RASSF6: variants seen among roughly 807,000 people sequenced by gnomAD.
RASSF6 encodes ras association domain-containing protein 6.
Under a neutral mutation model 44.0 loss-of-function variants are expected in RASSF6, and 52 were observed. That is an observed-to-expected ratio of 1.18 (90% CI 0.95 to 1.49). The LOEUF is 1.49. RASSF6 is among the 40% of genes most tolerant of loss of function. The pLI is 0.00. For synonymous variants in RASSF6, 162 were observed against 124.6 expected (o/e 1.30, Z -2.00); for missense variants, 464 against 393.3 (o/e 1.18, Z -1.52).
At chr4:73,588,817 T>TCAC (rs1553902850) in intron 4 of RASSF6, among the ~76,000 whole-genome samples, 4 of 151,550 alleles carry the variant, frequency 2.6e-5, no homozygotes, top group Admixed American at 1.3e-4. Context: ...ATCATCATCA[T>TCAC]CACCAGCATC....
chr4:73,584,669 A>G (rs748459585), intron 6 of RASSF6, among the ~76,000 whole-genome samples: 3 of 152,094 alleles, frequency 2.0e-5, no homozygotes, highest in Non-Finnish European at 4.4e-5. Flanking sequence ...TGATCCAACC[A>G]CTTTGTAGCA....
intron 2 of RASSF6, among the ~76,000 whole-genome samples, chr4:73,599,147 C>A (rs1725121709): frequency 6.6e-6 from 1 of 152,224 alleles, no homozygotes; most frequent in Admixed American, 6.5e-5. Flanking sequence ...CCCAACTCTC[C>A]AAATCTGTGT....
chr4:73,587,498 A>C (rs749055172), intron 5 of RASSF6, among the ~76,000 whole-genome samples: 12 of 152,098 alleles, frequency 7.9e-5, no homozygotes, highest in Non-Finnish European at 1.8e-4. Context: ...TATTGGGAAT[A>C]ATAAATGACT....
In RASSF6 at chr4:73,599,912, C is replaced by T. The variant is rs923296931; in HGVS notation, c.66-1194G>A. On this transcript the variant is annotated intron_variant, in intron 2 of 10. Coordinates refer to ENST00000307439, the MANE Select transcript of RASSF6 (RefSeq NM_177532.5). ...CCACCCTTCCCTCACTTCATGCAAC[C>T]ACCAGCCTCCCTGGTGTTCCTTGGC... Among the ~76,000 whole-genome samples, 4 of 152,188 alleles carry T rather than the reference C, an allele frequency of 2.6e-5. No homozygotes were observed. In the South Asian group the frequency reaches 8.3e-4, roughly 32 times the overall value.
At chr4:73,615,753 G>T in intron 1 of RASSF6, 1 of 664,650 alleles carries the variant, frequency 1.5e-6, no homozygotes, top group Non-Finnish European at 2.6e-6. Flanking sequence ...GGTAGAATTG[G>T]TCTGAACAAG....
At chr4:73,596,001 A>G (rs1457947847) in intron 3 of RASSF6, among the ~76,000 whole-genome samples, 1 of 152,198 alleles carries the variant, frequency 6.6e-6, no homozygotes, top group Non-Finnish European at 1.5e-5. Context: ...CCAGGAAGAT[A>G]TTGTAAATAT....
rs1371404528 is a variant in RASSF6 at position 73,573,433 on chromosome 4, C to T, written c.*2802G>A. On this transcript the variant is annotated 3_prime_UTR_variant, in exon 11 of 11. Coordinates refer to ENST00000307439, the MANE Select transcript of RASSF6 (RefSeq NM_177532.5). ...GTGAGCCACCGTCCATGGCCTATTT[C>T]CCTCTTTCATCTTTTAAAATAATTT... The T allele has an allele frequency of 6.6e-6, 1 of 152,076 alleles. No homozygotes were observed. The allele number at this position is 152,076 out of a possible 1,614,324, so 9.4% of individuals were successfully genotyped here.
rs1023859203 is a variant in RASSF6, at chr4:73,574,525, C to A, written c.*1710G>T. The A allele has an allele frequency of 6.6e-6, 1 of 152,236 alleles. No individual in the cohort carries two copies. The highest frequency in any genetic ancestry group is 6.5e-5 in the Admixed American group (1 of 15,272). 9.4% of individuals were successfully genotyped at this position (152,236 alleles called of 1,614,324 possible). A position where few individuals can be genotyped will look rare whatever the true frequency, so the allele number is the denominator to read the frequency against. On this transcript the variant is annotated 3_prime_UTR_variant, in exon 11 of 11. Coordinates refer to ENST00000307439, the MANE Select transcript of RASSF6 (RefSeq NM_177532.5). Reference sequence around the variant, plus strand: ...GTGAATTCTGAAACCCTCATTCCTGCCTTTCCTTGTTAGGATTCTTTCCCT... The same window carrying A: ...GTGAATTCTGAAACCCTCATTCCTGACTTTCCTTGTTAGGATTCTTTCCCT...
intron 5 of RASSF6, among the ~76,000 whole-genome samples, chr4:73,585,619 A>T (rs1440318374): frequency 6.6e-6 from 1 of 151,546 alleles, no homozygotes; most frequent in Non-Finnish European, 1.5e-5. Context: ...CACAATGATC[A>T]TGTTTGGGGT....
intron 2 of RASSF6, among the ~76,000 whole-genome samples, chr4:73,600,718 C>G (rs1725229624): frequency 8.1e-5 from 1 of 12,412 alleles, no homozygotes; most frequent in South Asian, 5.7e-3. Flanking sequence ...ACACTTCACA[C>G]AATTGCCATA....
chr4:73,589,807 T>G (rs1481371599), intron 4 of RASSF6, among the ~76,000 whole-genome samples: 1 of 152,032 alleles, frequency 6.6e-6, no homozygotes, highest in Non-Finnish European at 1.5e-5. Context: ...ATGTATATCA[T>G]TTGCAAATTT....
chr4:73,593,305 C>T (rs111616468), intron 4 of RASSF6, 146 bp downstream of exon 4: 1 of 782,704 alleles, frequency 1.3e-6, no homozygotes, highest in Non-Finnish European at 1.9e-6. Context: ...TGTGAGCCAC[C>T]GTGCCCGGCC....
chr4:73,604,003 C>T (rs1379038677), intron 2 of RASSF6: 2 of 152,082 alleles, frequency 1.3e-5, no homozygotes, highest in Non-Finnish European at 2.9e-5. Flanking sequence ...TGTCATATGC[C>T]GTCACCCTAC....
At chr4:73,599,188 AT>A (rs1431617040) in intron 2 of RASSF6, among the ~76,000 whole-genome samples, 23 of 152,166 alleles carry the variant, frequency 1.5e-4, no homozygotes, top group African/African-American at 5.6e-4. Context: ...GTATCCCTGA[AT>A]TTCCACAGCT....
At chr4:73,578,570 T>C (rs1723396370) in intron 8 of RASSF6, among the ~76,000 whole-genome samples, 1 of 152,062 alleles carries the variant, frequency 6.6e-6, no homozygotes, top group Non-Finnish European at 1.5e-5. Flanking sequence ...CAACTCATAA[T>C]ACATAAAGGT....
chr4:73,607,675 C>T (rs1377636979), intron 2 of RASSF6, among the ~76,000 whole-genome samples: 1 of 152,168 alleles, frequency 6.6e-6, no homozygotes, highest in African/African-American at 2.4e-5. Context: ...ATTCAAAACA[C>T]CCTAGAACTC....
Position 73,579,507 on chromosome 4 carries a change from G to C in RASSF6, c.721+2310C>G, listed in dbSNP as rs571629873. Among the ~76,000 whole-genome samples, 3 of 152,246 alleles carry C rather than the reference G, an allele frequency of 2.0e-5. No homozygotes were observed. In the East Asian group the frequency reaches 5.8e-4, roughly 29 times the overall value. On this transcript the variant is annotated intron_variant, in intron 8 of 10. Transcript: ENST00000307439. ...GCAAGATAATATTACGGTGTGGCTTGAGCTTGCATTTCCTTAGCTACTTGC... is the reference window on the plus strand; with the variant it reads ...GCAAGATAATATTACGGTGTGGCTTCAGCTTGCATTTCCTTAGCTACTTGC...
At chr4:73,610,633 C>A (rs746051140) in intron 2 of RASSF6, among the ~76,000 whole-genome samples, 1 of 152,156 alleles carries the variant, frequency 6.6e-6, no homozygotes, top group Admixed American at 6.5e-5. Flanking sequence ...GGAATACCTG[C>A]GAAAGCTGCA....
At chr4:73,594,316 C>T (rs1724787333) in intron 3 of RASSF6, among the ~76,000 whole-genome samples, 2 of 152,126 alleles carry the variant, frequency 1.3e-5, no homozygotes, top group South Asian at 4.1e-4. Flanking sequence ...AGTCATATGC[C>T]AGCCACCCAA....
Sources: allele counts gnomAD v4.1 joint callset (sites outside exome capture counted in the v4.1 genomes callset), GRCh38; gene constraint gnomAD v4.1.1; transcripts MANE v1.5; gene names NCBI Gene and HGNC (gene_info 2026-07-23, HGNC 2026-07-21).